The following ARL5B variants were observed in gnomAD, a reference collection of about 807,000 sequenced individuals.
ARL5B encodes the protein ARF like GTPase 5B.
ARL5B carries 10 observed loss-of-function variants against 26.9 expected under a neutral mutation model. The ratio of observed to expected loss-of-function variants is 0.37; its 90% confidence interval spans 0.23 to 0.63. The LOEUF (loss-of-function observed/expected upper bound fraction) is 0.63. Ranked by LOEUF, ARL5B falls within the 30% of genes least tolerant of loss-of-function variation. The probability of loss-of-function intolerance (pLI) is 0.62; values close to 1 mark genes in which losing one functional copy is unlikely to be tolerated. For synonymous variants in ARL5B, 87 were observed against 70.4 expected, an observed-to-expected ratio of 1.24 and a Z score of -1.18; for missense variants, 167 against 213.9, an observed-to-expected ratio of 0.78 and a Z score of 1.37.
rs1188271376 is a variant in ARL5B, at chr10:18,675,852, A to G, written c.*636A>G. 3 of 152,046 alleles carry G rather than the reference A, an allele frequency of 2.0e-5. No individual in the cohort carries two copies. Among genetic ancestry groups the G allele is most frequent in the Non-Finnish European group, 4.4e-5 (3 of 67,922 alleles). The allele number at this position is 152,046 out of a possible 1,614,324, so 9.4% of individuals were successfully genotyped here. A position where few individuals can be genotyped will look rare whatever the true frequency, so the allele number is the denominator to read the frequency against. ...TGCATGGAAATTAAGTAGGCTGTTT[A>G]TTTATCTAAAGGAATCAAGTCCACT... On this transcript the variant is annotated 3_prime_UTR_variant, in exon 6 of 6. Transcript: ENST00000377275.
rs2059924871 is a variant in ARL5B at position 18,679,764 on chromosome 10, T to G, written c.*4548T>G. The G allele has an allele frequency of 1.3e-5, 2 of 152,004 alleles. No individual in the cohort carries two copies. Among genetic ancestry groups the G allele is most frequent in the South Asian group, 4.1e-4 (2 of 4,828 alleles). 9.4% of individuals were successfully genotyped at this position (152,004 alleles called of 1,614,324 possible). On this transcript the variant is annotated 3_prime_UTR_variant, in exon 6 of 6. Transcript: ENST00000377275. ...CATACGAAAAACAAATTCAAAGCAC[T>G]TGAAAGTAAAGACAATATCATGAGG...
intron 1 of ARL5B, among the ~76,000 whole-genome samples, chr10:18,663,618 G>C (rs568351354): frequency 7.8e-5 from 10 of 127,866 alleles, no homozygotes; most frequent in African/African-American, 2.4e-4. Flanking sequence ...GCGTTATCTC[G>C]GCTCACTGCA....
intron 1 of ARL5B, among the ~76,000 whole-genome samples, chr10:18,663,291 T>C (rs1487231836): frequency 1.3e-5 from 2 of 152,188 alleles, no homozygotes; most frequent in African/African-American, 4.8e-5. Flanking sequence ...CGTGAGCCAC[T>C]GCACCTGGCC....
chr10:18,667,817 C>T (rs2059868431), intron 2 of ARL5B, among the ~76,000 whole-genome samples: 1 of 152,024 alleles, frequency 6.6e-6, no homozygotes, highest in South Asian at 2.1e-4. Context: ...CAGGTTCAGG[C>T]GGTTCTCCTG....
chr10:18,660,598 T>C (rs1372858436), intron 1 of ARL5B, among the ~76,000 whole-genome samples: 1 of 152,218 alleles, frequency 6.6e-6, no homozygotes, highest in Non-Finnish European at 1.5e-5. Flanking sequence ...AATGTAGGTA[T>C]CTAATCTTTT....
chr10:18,669,114 T>A (rs903296548), intron 3 of ARL5B, among the ~76,000 whole-genome samples: 7 of 152,156 alleles, frequency 4.6e-5, no homozygotes, highest in South Asian at 2.1e-4. Context: ...TTCCTTTTTT[T>A]AAAAAATAAA....
chr10:18,663,617 C>T (rs796953132), intron 1 of ARL5B, among the ~76,000 whole-genome samples: 33 of 132,824 alleles, frequency 2.5e-4, no homozygotes, highest in African/African-American at 6.0e-4. Flanking sequence ...GGCGTTATCT[C>T]GGCTCACTGC....
rs754565590 is a variant in ARL5B, at chr10:18,675,162, G to A, written c.492-6G>A. The A allele has an allele frequency of 3.1e-6, 5 of 1,612,100 alleles. No individual in the cohort carries two copies. In the Admixed American group the frequency reaches 6.7e-5, roughly 22 times the overall value. On this transcript the variant is annotated splice_polypyrimidine_tract_variant and splice_region_variant and intron_variant, in intron 5 of 5. Coordinates refer to ENST00000377275, the MANE Select transcript of ARL5B (RefSeq NM_178815.5). ...TTAATTAAAAATACTTCTATCTTTT[G>A]TTTAGGTTATGCCAAGGTCTAGAGT...
chr10:18,674,197 C>T, intron 5 of ARL5B, 62 bp downstream of exon 5: 1 of 1,493,062 alleles, frequency 6.7e-7, no homozygotes, highest in South Asian at 1.3e-5. Flanking sequence ...CTTTTTAGGC[C>T]AACTTGTTTT....
chr10:18,668,915 G>A (rs994332212), intron 3 of ARL5B, among the ~76,000 whole-genome samples: 4 of 151,786 alleles, frequency 2.6e-5, no homozygotes, highest in African/African-American at 4.8e-5. Flanking sequence ...AATTACAGGC[G>A]AGTGCCACCA....
In ARL5B at chr10:18,679,363, C is replaced by G. The variant is rs1300264394; in HGVS notation, c.*4147C>G. The stretch of plus-strand genomic sequence containing the variant: ...TTTGATGCCACCCCAGTCTATAGTT[C>G]TGTGTGACTTTCCATATTGAAAGAG... On this transcript the variant is annotated 3_prime_UTR_variant, in exon 6 of 6. Transcript: ENST00000377275. 1 of 151,826 alleles carries G rather than the reference C, an allele frequency of 6.6e-6. No homozygotes were observed. The highest frequency in any genetic ancestry group is 1.5e-5 in the Non-Finnish European group (1 of 67,808). 9.4% of individuals were successfully genotyped at this position (151,826 alleles called of 1,614,324 possible).
intron 3 of ARL5B, among the ~76,000 whole-genome samples, chr10:18,672,122 G>A (rs2059890759): frequency 6.6e-6 from 1 of 152,042 alleles, no homozygotes; most frequent in Admixed American, 6.5e-5. Flanking sequence ...GGTGGATACT[G>A]TTTTATAAAA....
At chr10:18,659,974 G>T (rs2059821549) in intron 1 of ARL5B, 2 of 977,616 alleles carry the variant, frequency 2.0e-6, no homozygotes, top group Non-Finnish European at 2.4e-6. Context: ...ATGCCAGGAG[G>T]CGTATGGAGG....
At position 18,675,214 on chromosome 10, in the gene ARL5B, T is replaced by C. The variant is rs749556584; in HGVS notation, c.538T>C (p.Ter180GlnextTer13). The change falls in exon 6 of 6, where the codon TAA (stop) becomes CAA (glutamine). Residue 180 changes from the stop codon to glutamine (Q), a stop_lost. Coordinates refer to ENST00000377275, the MANE Select transcript of ARL5B (RefSeq NM_178815.5). Reference protein sequence around the residue: ...EWMTSRIGVR* With the variant: ...EWMTSRIGVRQ ...GATGACCTCCCGGATTGGTGTGAGA[T>C]AACTTTTTTGCTTGAAAGAGACTGC... is the stretch of plus-strand genomic sequence containing the variant. 3 of 1,613,440 alleles carry C rather than the reference T, an allele frequency of 1.9e-6. No homozygotes were observed. Among genetic ancestry groups the C allele is most frequent in the Non-Finnish European group, 2.5e-6 (3 of 1,179,398 alleles).
chr10:18,674,135 G>C lies in ARL5B; in HGVS notation c.491G>C (p.Gly164Ala). 6.2e-7 allele frequency: 1 copy of C among 1,606,672 alleles called. No individual in the cohort carries two copies. Among genetic ancestry groups the C allele is most frequent in the Non-Finnish European group, 8.5e-7 (1 of 1,177,184 alleles). ...TCCTGCTGTGCTCTCACAGGAGAAGGGTAAGTTCATCCGTCTGAGGGGAGG... is the reference window on the plus strand; with the variant it reads ...TCCTGCTGTGCTCTCACAGGAGAAGCGTAAGTTCATCCGTCTGAGGGGAGG... The part of the protein sequence containing the change: ...IQSCCALTGE[G>A]LCQGLEWMTS... The change falls in exon 5 of 6, where the codon GGG becomes GCG. Residue 164 changes from glycine (G) to alanine (A), a missense_variant and splice_region_variant. By Grantham distance (60) the Gly-to-Ala change is moderately conservative. Coordinates refer to ENST00000377275, the MANE Select transcript of ARL5B (RefSeq NM_178815.5).
chr10:18,661,453 A>G (rs530996915), intron 1 of ARL5B, among the ~76,000 whole-genome samples: 2 of 152,288 alleles, frequency 1.3e-5, no homozygotes, highest in South Asian at 2.1e-4. Context: ...CTGAATCTCC[A>G]TTTCTACTTA....
Position 18,674,070 on chromosome 10 carries a change from C to T in ARL5B, c.426C>T (p.Leu142=). Residue 142 remains leucine, a synonymous_variant, in exon 5 of 6, where the codon CTC becomes CTT. Coordinates refer to ENST00000377275, the MANE Select transcript of ARL5B (RefSeq NM_178815.5). ...CMTAAEISKY[L]TLSSIKDHPW... is the part of the protein sequence containing the mutation. The stretch of plus-strand genomic sequence containing the variant: ...CAGCAGCTGAAATCTCGAAATACCT[C>T]ACCCTTAGTTCAATTAAGGATCATC... 6.2e-7 allele frequency: 1 copy of T among 1,613,146 alleles called. No homozygotes were observed. The highest frequency in any genetic ancestry group is 1.3e-5 in the African/African-American group (1 of 74,960).
chr10:18,667,265 G>A (rs758204193), intron 2 of ARL5B, among the ~76,000 whole-genome samples: 2 of 152,128 alleles, frequency 1.3e-5, no homozygotes, highest in Non-Finnish European at 2.9e-5. Context: ...TTGCCCCATT[G>A]TGTGGCTCTT....
intron 2 of ARL5B, 21 bp from the exon 3 acceptor site, chr10:18,668,509 A>G: frequency 6.2e-7 from 1 of 1,612,454 alleles, no homozygotes; most frequent in Non-Finnish European, 8.5e-7. Context: ...AAGAGCTTTT[A>G]CGGTGTCTGT....
Sources: allele counts gnomAD v4.1 joint callset (sites outside exome capture counted in the v4.1 genomes callset), GRCh38; gene constraint gnomAD v4.1.1; transcripts MANE v1.5; gene names NCBI Gene and HGNC (gene_info 2026-07-23, HGNC 2026-07-21).